PPARG: variants seen among roughly 807,000 people sequenced by gnomAD.
PPARG encodes the protein peroxisome proliferator activated receptor gamma, also known as peroxisome proliferator-activated receptor gamma.
In PPARG, 17 loss-of-function variants were observed where a neutral mutation model predicts 39.2. The ratio of observed to expected loss-of-function variants is 0.43; its 90% CI spans 0.30 to 0.65. The LOEUF (loss-of-function observed/expected upper bound fraction) is 0.65, where lower values mean the gene tolerates loss of function less well. Among genes scored for constraint, PPARG ranks in the 30% least tolerant of loss-of-function variants. PPARG has a pLI of 0.13. For missense variants in PPARG, 406 were observed against 585.9 expected (o/e 0.69, Z 3.17); for synonymous variants, 223 against 215.7 (o/e 1.03, Z -0.30).
chr3:12,292,315 G>A (rs2046668709), intron 1 of PPARG, among the ~76,000 whole-genome samples: 1 of 152,148 alleles, frequency 6.6e-6, no homozygotes, highest in South Asian at 2.1e-4. Context: ...TGTGCGCTTT[G>A]ATTTGATAAA....
chr3:12,350,124 TG>T (rs2048437691), intron 2 of PPARG, among the ~76,000 whole-genome samples: 1 of 152,134 alleles, frequency 6.6e-6, no homozygotes, highest in African/African-American at 2.4e-5. Flanking sequence ...TTTCCAAGCA[TG>T]GGGAGGAAAG....
intron 2 of PPARG, among the ~76,000 whole-genome samples, chr3:12,360,939 T>C (rs1295239228): frequency 6.6e-6 from 1 of 152,200 alleles, no homozygotes; most frequent in Non-Finnish European, 1.5e-5. Flanking sequence ...AGCTATATGC[T>C]TCAGCCAATA....
At chr3:12,332,831 G>A (rs2047899638) in intron 2 of PPARG, among the ~76,000 whole-genome samples, 2 of 152,158 alleles carry the variant, frequency 1.3e-5, no homozygotes, top group Non-Finnish European at 1.5e-5. Flanking sequence ...AGGAGTTCAA[G>A]ACTAGCCTGG....
At chr3:12,323,458 A>C (rs1286919868) in intron 2 of PPARG, among the ~76,000 whole-genome samples, 1 of 151,032 alleles carries the variant, frequency 6.6e-6, no homozygotes, top group East Asian at 1.9e-4. Context: ...ATGCCAAAGG[A>C]GGGGACTTTT....
intron 6 of PPARG, among the ~76,000 whole-genome samples, chr3:12,410,349 G>A (rs1028765564): frequency 1.2e-4 from 18 of 152,204 alleles, no homozygotes; most frequent in African/African-American, 4.3e-4. Flanking sequence ...ACCCTGGTGC[G>A]ATGATCACAC....
At chr3:12,390,763 GC>G (rs1437851879) in intron 4 of PPARG, among the ~76,000 whole-genome samples, 1 of 147,722 alleles carries the variant, frequency 6.8e-6, no homozygotes, top group Admixed American at 7.0e-5. Context: ...TTCCATCTCA[GC>G]CGCCAGAGTA....
chr3:12,301,554 C>G (rs976564151), intron 1 of PPARG: 6 of 152,110 alleles, frequency 3.9e-5, no homozygotes, highest in African/African-American at 7.2e-5. Context: ...CTTCAAAATA[C>G]CAAAGAAACT....
At chr3:12,292,558 T>C (rs998646154) in intron 1 of PPARG, among the ~76,000 whole-genome samples, 4 of 152,182 alleles carry the variant, frequency 2.6e-5, no homozygotes, top group Non-Finnish European at 5.9e-5. Flanking sequence ...AGATATCTCC[T>C]AATAACCCAC....
At chr3:12,291,417 C>T (rs916006401) in intron 1 of PPARG, among the ~76,000 whole-genome samples, 1 of 152,120 alleles carries the variant, frequency 6.6e-6, no homozygotes, top group African/African-American at 2.4e-5. Flanking sequence ...AGTTTCATAG[C>T]GTTCTAAATC....
At chr3:12,420,605 T>C (rs981879025) in intron 7 of PPARG, among the ~76,000 whole-genome samples, 4 of 149,372 alleles carry the variant, frequency 2.7e-5, no homozygotes, top group African/African-American at 1.0e-4. Flanking sequence ...ATGAGCAAGA[T>C]GTGCGTCATC....
rs1440231673 is a variant in PPARG, at chr3:12,381,282, T to C, written c.221-40T>C. ...GCCCTGTTGCCTTTTTAGGACTGTT[T>C]TCATGGGATAATTATCCTCTCACAT... On this transcript the variant is annotated intron_variant, in intron 3 of 7. Transcript: ENST00000651735. 2.5e-6 allele frequency: 4 copies of C among 1,601,696 alleles called. No individual in the cohort carries two copies. In the Admixed American group the frequency reaches 5.1e-5, roughly 20 times the overall value.
At chr3:12,290,026 T>G (rs2046609385) in intron 1 of PPARG, among the ~76,000 whole-genome samples, 1 of 152,152 alleles carries the variant, frequency 6.6e-6, no homozygotes, top group Admixed American at 6.5e-5. Context: ...CATTTTTGTC[T>G]TCTTGTGTAC....
intron 4 of PPARG, among the ~76,000 whole-genome samples, chr3:12,386,962 G>A (rs1159999708): frequency 1.3e-5 from 2 of 150,598 alleles, no homozygotes; most frequent in Non-Finnish European, 2.9e-5. Context: ...GAGTGAGAAC[G>A]TGCAGTGTTT....
At chr3:12,382,776 T>G (rs912770750) in intron 4 of PPARG, among the ~76,000 whole-genome samples, 22 of 152,040 alleles carry the variant, frequency 1.4e-4, no homozygotes, top group African/African-American at 5.1e-4. Context: ...TCAAGACCAG[T>G]CTGGGCAGCA....
intron 5 of PPARG, among the ~76,000 whole-genome samples, chr3:12,401,095 T>G (rs1417063406): frequency 2.0e-5 from 3 of 152,152 alleles, no homozygotes; most frequent in Admixed American, 6.5e-5. Context: ...CACTCAGCCT[T>G]TATAGTTCTG....
At chr3:12,337,023 C>A (rs2048031030) in intron 2 of PPARG, among the ~76,000 whole-genome samples, 1 of 152,206 alleles carries the variant, frequency 6.6e-6, no homozygotes, top group Non-Finnish European at 1.5e-5. Context: ...AAGGCATACT[C>A]TTTTCATGTC....
At chr3:12,339,843 T>G (rs754044878) in intron 2 of PPARG, among the ~76,000 whole-genome samples, 4 of 152,206 alleles carry the variant, frequency 2.6e-5, no homozygotes, top group Non-Finnish European at 4.4e-5. Context: ...CCTCAAATAC[T>G]CTAACAAAGC....
At chr3:12,364,645 G>A (rs2048956809) in intron 2 of PPARG, among the ~76,000 whole-genome samples, 1 of 152,154 alleles carries the variant, frequency 6.6e-6, no homozygotes, top group Non-Finnish European at 1.5e-5. Context: ...TTCCAAAGTG[G>A]CTGTACCATT....
intron 4 of PPARG, among the ~76,000 whole-genome samples, 194 bp from the exon 5 acceptor site, chr3:12,392,420 C>G (rs2050109110): frequency 6.6e-6 from 1 of 152,170 alleles, no homozygotes; most frequent in Admixed American, 6.5e-5. Context: ...CCTGGAGATC[C>G]TCTGGTTCTT....
Sources: allele counts gnomAD v4.1 joint callset (sites outside exome capture counted in the v4.1 genomes callset), GRCh38; gene constraint gnomAD v4.1.1; transcripts MANE v1.5; gene names NCBI Gene and HGNC (gene_info 2026-07-23, HGNC 2026-07-21).